The following RGS5 variants were observed in gnomAD, a reference collection of about 807,000 sequenced individuals.
The protein encoded by RGS5 is regulator of G-protein signalling 5.
RGS5 carries 20 observed loss-of-function variants against 18.9 expected under a neutral mutation model. That is an observed-to-expected ratio of 1.06 (90% confidence interval 0.74 to 1.54). RGS5 has a LOEUF of 1.54. Among genes scored for constraint, RGS5 ranks in the 40% most tolerant of loss-of-function variants. The pLI is 0.00. For missense variants in RGS5, 201 were observed against 211.8 expected (o/e 0.95, Z 0.32); for synonymous variants, 57 against 76.2 (o/e 0.75, Z 1.31).
chr1:163,315,101 A>AATC (rs1205779127), intron 1 of RGS5, among the ~76,000 whole-genome samples: 2 of 150,268 alleles, frequency 1.3e-5, no homozygotes, highest in Non-Finnish European at 3.0e-5. Flanking sequence ...TAAAGTATTC[A>AATC]ATCATGTAAC....
intron 1 of RGS5, chr1:163,213,118 T>C (rs889100415): frequency 2.6e-5 from 4 of 152,226 alleles, no homozygotes; most frequent in South Asian, 4.1e-4. Context: ...TACATAGTTA[T>C]TTTCAGATTA....
chr1:163,163,606 T>C (rs939476651), intron 2 of RGS5, among the ~76,000 whole-genome samples: 2 of 152,246 alleles, frequency 1.3e-5, no homozygotes, highest in Admixed American at 1.3e-4. Flanking sequence ...GGCTCTTTTA[T>C]ATTACTGCAA....
chr1:163,214,308 A>T (rs1660171135), intron 1 of RGS5, among the ~76,000 whole-genome samples: 1 of 152,160 alleles, frequency 6.6e-6, no homozygotes, highest in Non-Finnish European at 1.5e-5. Flanking sequence ...CAGAAATTCT[A>T]CTAGGTTGCT....
At chr1:163,237,595 G>C (rs1647664278) in intron 2 of RGS5, 1 of 152,342 alleles carries the variant, frequency 6.6e-6, no homozygotes, top group South Asian at 2.1e-4. Flanking sequence ...TGAGGCAAGA[G>C]AATCACTTGA....
At chr1:163,230,679 A>G (rs997151182) in intron 2 of RGS5, among the ~76,000 whole-genome samples, 9 of 152,222 alleles carry the variant, frequency 5.9e-5, no homozygotes, top group African/African-American at 2.2e-4. Context: ...AATTACTTTT[A>G]CCACTAATTA....
chr1:163,196,531 C>T (rs1659570123), intron 1 of RGS5, among the ~76,000 whole-genome samples: 1 of 152,076 alleles, frequency 6.6e-6, no homozygotes, highest in Admixed American at 6.6e-5. Flanking sequence ...ATAACCCAGA[C>T]TAAATGAAAG....
intron 2 of RGS5, among the ~76,000 whole-genome samples, chr1:163,228,054 T>C (rs1571305257): frequency 6.6e-6 from 1 of 152,232 alleles, no homozygotes; most frequent in African/African-American, 2.4e-5. Flanking sequence ...CTGCAGCTTT[T>C]CTAGGTGCAC....
chr1:163,252,136 A>T (rs1376774942), intron 2 of RGS5, among the ~76,000 whole-genome samples: 1 of 152,142 alleles, frequency 6.6e-6, no homozygotes, highest in African/African-American at 2.4e-5. Flanking sequence ...TGTATGAAAG[A>T]TCTAGTTTCT....
chr1:163,154,238 C>T (rs1657498255), intron 3 of RGS5, among the ~76,000 whole-genome samples: 1 of 152,166 alleles, frequency 6.6e-6, no homozygotes, highest in African/African-American at 2.4e-5. Context: ...GTTGATTTCA[C>T]ACAAGCATAA....
chr1:163,309,281 A>G (rs1024984984), intron 1 of RGS5, among the ~76,000 whole-genome samples: 6 of 152,250 alleles, frequency 3.9e-5, no homozygotes, highest in Non-Finnish European at 5.9e-5. Context: ...GAAGTTGGCC[A>G]CATCAGTTGA....
rs1330290346 is a variant in RGS5, at chr1:163,142,422, A to G, written c.*4920T>C. 2.0e-5 allele frequency: 3 copies of G among 152,176 alleles called. No individual in the cohort carries two copies. The highest frequency in any genetic ancestry group is 2.9e-5 in the Non-Finnish European group (2 of 68,030). The allele number at this position is 152,176 out of a possible 1,614,324, so 9.4% of individuals were successfully genotyped here. A position where few individuals can be genotyped will look rare whatever the true frequency, so the allele number is the denominator to read the frequency against. On this transcript the variant is annotated 3_prime_UTR_variant, in exon 5 of 5. Coordinates refer to ENST00000313961, the MANE Select transcript of RGS5 (RefSeq NM_003617.4). ...CATAAAGTATTGAATACAAAATTCT[A>G]AAGATAAACACAATTTTTCTTGAAT...
At chr1:163,198,223 C>T (rs1659644521) in intron 1 of RGS5, among the ~76,000 whole-genome samples, 1 of 152,072 alleles carries the variant, frequency 6.6e-6, no homozygotes, top group Non-Finnish European at 1.5e-5. Context: ...AATTACCTTT[C>T]CCATTTACTT....
chr1:163,229,246 A>G (rs1016568408), intron 2 of RGS5, among the ~76,000 whole-genome samples: 21 of 152,134 alleles, frequency 1.4e-4, no homozygotes, highest in African/African-American at 5.1e-4. Context: ...ACTTACAATC[A>G]TTGTGGAAGG....
At chr1:163,152,077 T>C (rs906086119) in intron 4 of RGS5, among the ~76,000 whole-genome samples, 1 of 152,166 alleles carries the variant, frequency 6.6e-6, no homozygotes, top group African/African-American at 2.4e-5. Context: ...AAGAGGTCAG[T>C]GGAATTTTCC....
chr1:163,208,347 CAA>C (rs55848330), intron 1 of RGS5, among the ~76,000 whole-genome samples: 2,175 of 37,402 alleles, frequency 0.058, 10 homozygotes, highest in African/African-American at 0.12. Flanking sequence ...GACTCCGTCT[CAA>C]AAAAAAAAAA....
chr1:163,178,388 C>T (rs922543673), intron 1 of RGS5, among the ~76,000 whole-genome samples: 2 of 150,940 alleles, frequency 1.3e-5, no homozygotes, highest in African/African-American at 4.9e-5. Context: ...AGAGAGAATC[C>T]CTGAGAAAAT....
At chr1:163,299,693 A>G (rs1649506036) in intron 2 of RGS5, among the ~76,000 whole-genome samples, 1 of 152,214 alleles carries the variant, frequency 6.6e-6, no homozygotes, top group Admixed American at 6.5e-5. Context: ...ATGGAGGGAA[A>G]CCATCTTTGG....
chr1:163,223,816 G>A (rs1487549229), intron 2 of RGS5, among the ~76,000 whole-genome samples: 1 of 152,056 alleles, frequency 6.6e-6, no homozygotes, highest in African/African-American at 2.4e-5. Flanking sequence ...TTCCTCCCAG[G>A]TCAGACTTCA....
At chr1:163,250,457 TG>T (rs1648076943) in intron 2 of RGS5, among the ~76,000 whole-genome samples, 2 of 152,240 alleles carry the variant, frequency 1.3e-5, no homozygotes, top group Admixed American at 1.3e-4. Context: ...GCATTATAAT[TG>T]AGTCATTACA....
Sources: gnomAD v4.1 joint callset for allele counts (sites outside exome capture counted in the v4.1 genomes callset) on GRCh38, gnomAD v4.1.1 for gene constraint, MANE v1.5 for transcripts, NCBI Gene and HGNC (gene_info 2026-07-23, HGNC 2026-07-21) for gene names.